DYNC2I1: variants seen among roughly 807,000 people sequenced by gnomAD.
DYNC2I1 encodes the protein dynein 2 intermediate chain 1, also known as cytoplasmic dynein 2 intermediate chain 1.
Under a neutral mutation model 133.4 loss-of-function variants are expected in DYNC2I1, and 89 were observed. That is an observed-to-expected ratio of 0.67 (90% CI 0.56 to 0.80). The LOEUF is 0.80. Ranked by LOEUF, DYNC2I1 falls within the 30% of genes least tolerant of loss-of-function variation. DYNC2I1 has a pLI of 0.00. For missense variants in DYNC2I1, 1,291 were observed against 1,314.5 expected, an observed-to-expected ratio of 0.98 and a Z score of 0.28; for synonymous variants, 504 against 484.3, an observed-to-expected ratio of 1.04 and a Z score of -0.54.
upstream of DYNC2I1, among the ~76,000 whole-genome samples, chr7:158,856,322 C>A (rs929150891): frequency 6.6e-6 from 1 of 152,208 alleles, no homozygotes; most frequent in East Asian, 1.9e-4. Flanking sequence ...CGTGGGAACC[C>A]GGGGCGGGTT....
At chr7:158,905,259 G>C in intron 10 of DYNC2I1, 1 of 350,356 alleles carries the variant, frequency 2.9e-6, no homozygotes, top group East Asian at 8.1e-5. Context: ...TTCTGCTTCA[G>C]CCTCCCGAGT....
chr7:158,871,006 C>T (rs1842825189), intron 2 of DYNC2I1, 136 bp from the exon 3 acceptor site: 6 of 1,010,444 alleles, frequency 5.9e-6, no homozygotes, highest in Admixed American at 5.8e-5. Flanking sequence ...GGATTGGAAA[C>T]TGGGATTGGA....
intron 23 of DYNC2I1, among the ~76,000 whole-genome samples, chr7:158,938,943 A>G (rs935986542): frequency 1.3e-5 from 2 of 152,222 alleles, no homozygotes; most frequent in African/African-American, 4.8e-5. Flanking sequence ...TATGAAGCCA[A>G]AAAGACCTAT....
At chr7:158,874,050 C>T (rs1022311551) in intron 3 of DYNC2I1, among the ~76,000 whole-genome samples, 15 of 151,864 alleles carry the variant, frequency 9.9e-5, no homozygotes, top group African/African-American at 1.5e-4. Context: ...TCAGCCACAG[C>T]GCCCGGCCAG....
chr7:158,958,556 T>A (rs1852258291), downstream of DYNC2I1, among the ~76,000 whole-genome samples: 1 of 152,238 alleles, frequency 6.6e-6, no homozygotes, highest in Non-Finnish European at 1.5e-5. Flanking sequence ...CTCACAATAG[T>A]TCAGGGGTGG....
chr7:158,852,551 C>T (rs1383866188), upstream of DYNC2I1, among the ~76,000 whole-genome samples: 5 of 151,728 alleles, frequency 3.3e-5, no homozygotes, highest in East Asian at 2.0e-4. Context: ...CCAGCCTGGC[C>T]AACATGGTGA....
At chr7:158,857,386 C>A (rs1321617201) in intron 1 of DYNC2I1, among the ~76,000 whole-genome samples, 4 of 152,072 alleles carry the variant, frequency 2.6e-5, no homozygotes, top group East Asian at 1.9e-4. Flanking sequence ...CTGTATTATT[C>A]TTATCTATTG....
chr7:158,913,139 A>G (rs775881447), intron 13 of DYNC2I1, 43 bp downstream of exon 13: 2 of 1,416,856 alleles, frequency 1.4e-6, no homozygotes, highest in Admixed American at 2.1e-5. Context: ...CTCTCTTTAC[A>G]TTCTTTTTTG....
chr7:158,919,483 A>G (rs1343693670), intron 15 of DYNC2I1, among the ~76,000 whole-genome samples: 1 of 152,240 alleles, frequency 6.6e-6, no homozygotes, highest in East Asian at 1.9e-4. Context: ...TTGTCTCTGA[A>G]AAAGTGGCTG....
At chr7:158,950,014 G>T (rs1852007745), downstream of DYNC2I1, among the ~76,000 whole-genome samples, 1 of 152,060 alleles carries the variant, frequency 6.6e-6, no homozygotes, top group Non-Finnish European at 1.5e-5. Flanking sequence ...CAGGTGATCT[G>T]CCTGCCTCGG....
intron 3 of DYNC2I1, among the ~76,000 whole-genome samples, chr7:158,872,236 A>G (rs971126659): frequency 5.3e-5 from 8 of 152,212 alleles, no homozygotes; most frequent in Non-Finnish European, 1.2e-4. Flanking sequence ...GGATCCCTTG[A>G]GCCCAGGAGG....
rs1849175330 is a variant in DYNC2I1, at chr7:158,922,271, G to T, written c.1922-106G>T. 60 of 1,169,470 alleles carry T rather than the reference G, an allele frequency of 5.1e-5. No individual in the cohort carries two copies. In the South Asian group the frequency reaches 8.8e-4, roughly 17 times the overall value. The allele number at this position is 1,169,470 out of a possible 1,614,324, so 72.4% of individuals were successfully genotyped here. ...TGTTGGTTTCGAAAGGACCACGTTT[G>T]TTTCTTCATGAAGCTGAATTTTTTT... On this transcript the variant is annotated intron_variant, in intron 15 of 24. Coordinates refer to ENST00000407559, the MANE Select transcript of DYNC2I1 (RefSeq NM_018051.5).
chr7:158,841,206 TATATATATATA>T, the DYNC2I1 span, among the ~76,000 whole-genome samples: 1 of 58,148 alleles, frequency 1.7e-5, no homozygotes, highest in African/African-American at 6.0e-5. Flanking sequence ...TATATATATA[TATATATATATA>T]TATATTTTAG....
intron 3 of DYNC2I1, 33 bp from the exon 4 acceptor site, chr7:158,876,575 TG>T: frequency 6.5e-7 from 1 of 1,531,946 alleles, no homozygotes; most frequent in Non-Finnish European, 8.7e-7. Flanking sequence ...TGCTAACATT[TG>T]GGAGTATTAA....
chr7:158,951,182 C>CT, downstream of DYNC2I1, among the ~76,000 whole-genome samples: 1 of 152,202 alleles, frequency 6.6e-6, no homozygotes. Context: ...TTTATTCTTG[C>CT]TTTTTTCTGT....
At position 158,918,114 on chromosome 7, in the gene DYNC2I1, G is replaced by T. The variant is rs539116777; in HGVS notation, c.1792-626G>T. 4.6e-5 allele frequency among the ~76,000 whole-genome samples: 7 copies of T among 152,176 alleles called. No homozygotes were observed. The South Asian group carries it at 1.5e-3, about 32-fold the overall frequency. On this transcript the variant is annotated intron_variant, in intron 14 of 24. Coordinates refer to ENST00000407559, the MANE Select transcript of DYNC2I1 (RefSeq NM_018051.5). ...GTATTCCCGGCCGTCCTGACCCTGA[G>T]TGTTCCCGGGTCATGTCAGTTCCCA...
Position 158,925,435 on chromosome 7 carries a change from G to A in DYNC2I1, c.2258-752G>A, listed in dbSNP as rs1417327719. On this transcript the variant is annotated intron_variant, in intron 17 of 24. Coordinates refer to ENST00000407559, the MANE Select transcript of DYNC2I1 (RefSeq NM_018051.5). ...GAGGAGATGTGATTCCATTTGGAACGTTGAGTTTTGTGTCTTCTGCCTTTT... is the reference window on the plus strand; with the variant it reads ...GAGGAGATGTGATTCCATTTGGAACATTGAGTTTTGTGTCTTCTGCCTTTT... Among the ~76,000 whole-genome samples the A allele has an allele frequency of 3.3e-5, 5 of 152,280 alleles. No homozygotes were observed. In the South Asian group the frequency reaches 6.2e-4, roughly 19 times the overall value.
chr7:158,912,857 C>T, intron 12 of DYNC2I1, 128 bp from the exon 13 acceptor site: 1 of 654,896 alleles, frequency 1.5e-6, no homozygotes, highest in Non-Finnish European at 2.6e-6. Flanking sequence ...CACAGGTTGT[C>T]TTTGCATGAT....
chr7:158,920,196 G>A (rs917691968), intron 15 of DYNC2I1, among the ~76,000 whole-genome samples: 1 of 151,444 alleles, frequency 6.6e-6, no homozygotes, highest in Admixed American at 6.6e-5. Context: ...CTCCGTCGGG[G>A]AACACGTGAA....
Sources: gnomAD v4.1 joint callset for allele counts (sites outside exome capture counted in the v4.1 genomes callset) on GRCh38, gnomAD v4.1.1 for gene constraint, MANE v1.5 for transcripts, NCBI Gene and HGNC (gene_info 2026-07-23, HGNC 2026-07-21) for gene names.